The following ARID3B variants were observed in gnomAD, a reference collection of about 807,000 sequenced individuals.
The protein encoded by ARID3B is AT-rich interactive domain-containing protein 3B.
A neutral mutation model predicts 51.9 loss-of-function variants in ARID3B; 10 were observed. The observed-to-expected ratio is 0.19, with a 90% CI of 0.12 to 0.33. ARID3B has a LOEUF of 0.33. Among genes scored for constraint, ARID3B ranks in the 10% least tolerant of loss-of-function variants. The probability of loss-of-function intolerance (pLI) is 1.00; values close to 1 mark genes in which losing one functional copy is unlikely to be tolerated. For synonymous variants in ARID3B, 205 were observed against 279.5 expected, an observed-to-expected ratio of 0.73 and a Z score of 2.66; for missense variants, 483 against 716.3, an observed-to-expected ratio of 0.67 and a Z score of 3.72.
At chr15:74,556,968 G>A (rs1280444288) in intron 2 of ARID3B, among the ~76,000 whole-genome samples, 3 of 151,110 alleles carry the variant, frequency 2.0e-5, no homozygotes, top group Admixed American at 6.6e-5. Context: ...GTAGAGACAG[G>A]GTTTCACCAT....
At chr15:74,559,555 G>A (rs905239660) in intron 2 of ARID3B, among the ~76,000 whole-genome samples, 1 of 152,156 alleles carries the variant, frequency 6.6e-6, no homozygotes, top group African/African-American at 2.4e-5. Flanking sequence ...ATTTACAGAT[G>A]AGGGAAAAGG....
chr15:74,544,510 G>A, intron 2 of ARID3B, 22 bp downstream of exon 2: 1 of 1,599,174 alleles, frequency 6.3e-7, no homozygotes, highest in Non-Finnish European at 8.5e-7. Context: ...TGGTATTGTA[G>A]GTCATTTGGT....
intron 2 of ARID3B, among the ~76,000 whole-genome samples, chr15:74,567,106 C>T (rs1293121105): frequency 6.6e-6 from 1 of 152,142 alleles, no homozygotes; most frequent in Non-Finnish European, 1.5e-5. Flanking sequence ...CCACTGCCTC[C>T]CCACTGTTCA....
At chr15:74,552,679 T>A (rs1424322008) in intron 2 of ARID3B, among the ~76,000 whole-genome samples, 1 of 152,088 alleles carries the variant, frequency 6.6e-6, no homozygotes, top group Non-Finnish European at 1.5e-5. Flanking sequence ...TGTTATATGG[T>A]GGGATCATTA....
In ARID3B at chr15:74,598,117, T is replaced by C; in HGVS notation, c.*2343T>C. 2.1e-6 allele frequency: 1 copy of C among 475,172 alleles called. No individual in the cohort carries two copies. The highest frequency in any genetic ancestry group is 1.7e-5 in the South Asian group (1 of 57,870). 29.4% of individuals were successfully genotyped at this position (475,172 alleles called of 1,614,324 possible). A position where few individuals can be genotyped will look rare whatever the true frequency, so the allele number is the denominator to read the frequency against. ...GAATGTTTATATTTCAATAAACCTC[T>C]ACCTCTTCACACAAGCAGGTCTCTC... is the stretch of plus-strand genomic sequence containing the variant. On this transcript the variant is annotated 3_prime_UTR_variant, in exon 9 of 9. Transcript: ENST00000346246.
At chr15:74,561,125 A>G (rs766396686) in intron 2 of ARID3B, among the ~76,000 whole-genome samples, 1 of 152,186 alleles carries the variant, frequency 6.6e-6, no homozygotes, top group Admixed American at 6.5e-5. Context: ...TCTTTAATCA[A>G]GTAGGGGTTT....
chr15:74,577,585 A>G (rs948033325), intron 4 of ARID3B, among the ~76,000 whole-genome samples: 6 of 152,116 alleles, frequency 3.9e-5, no homozygotes, highest in African/African-American at 1.4e-4. Flanking sequence ...TAGTGGCGCA[A>G]TCATGGCTCA....
intron 2 of ARID3B, 110 bp from the exon 3 acceptor site, chr15:74,572,752 A>G: frequency 2.0e-6 from 2 of 1,016,400 alleles, no homozygotes; most frequent in Non-Finnish European, 3.1e-6. Context: ...GAGTGAGGAT[A>G]GCACAATTGC....
At position 74,543,841 on chromosome 15, in the gene ARID3B, G is replaced by A. The variant is rs1014949090; in HGVS notation, c.-77-19G>A. On this transcript the variant is annotated intron_variant, in intron 1 of 8. Transcript: ENST00000346246. ...TGTTTTTTCCCCCTCCTTCTTTGTG[G>A]TTTCTGTTAATCACTAAGGTTTAGA... is the stretch of plus-strand genomic sequence containing the variant. 3 of 1,474,548 alleles carry A rather than the reference G, an allele frequency of 2.0e-6. No homozygotes were observed. Among genetic ancestry groups the A allele is most frequent in the Admixed American group, 4.5e-5 (2 of 44,824 alleles). The allele number at this position is 1,474,548 out of a possible 1,614,324, so 91.3% of individuals were successfully genotyped here.
In ARID3B at chr15:74,550,599, C is replaced by G. The variant is rs566896650; in HGVS notation, c.552+6111C>G. Among the ~76,000 whole-genome samples the G allele has an allele frequency of 2.1e-3, 319 of 151,864 alleles. 1 individual carries two copies. Among genetic ancestry groups the G allele is most frequent in the African/African-American group, 7.4e-3 (306 of 41,462 alleles). On this transcript the variant is annotated intron_variant, in intron 2 of 8. Transcript: ENST00000346246. ...CAGGCGCCTGCGGTCCCAAGCTACT[C>G]CGGAGGCTGAGGCAGGAGAGTGGCA...
intron 2 of ARID3B, among the ~76,000 whole-genome samples, chr15:74,560,127 T>A (rs1279881279): frequency 6.7e-6 from 1 of 150,214 alleles, no homozygotes; most frequent in Non-Finnish European, 1.5e-5. Context: ...ATCACTTGAA[T>A]CTGGGAGATG....
chr15:74,560,210 A>T (rs900963413), intron 2 of ARID3B, among the ~76,000 whole-genome samples: 8 of 151,746 alleles, frequency 5.3e-5, no homozygotes, highest in Non-Finnish European at 8.8e-5. Flanking sequence ...CTCAAAAAAA[A>T]AAAAAATTTA....
intron 2 of ARID3B, among the ~76,000 whole-genome samples, chr15:74,554,942 T>G (rs1436562204): frequency 1.3e-5 from 2 of 150,666 alleles, no homozygotes; most frequent in African/African-American, 4.9e-5. Context: ...TCATTATACC[T>G]AAAAAAAAAC....
At chr15:74,559,579 T>C (rs555527038) in intron 2 of ARID3B, among the ~76,000 whole-genome samples, 3 of 152,322 alleles carry the variant, frequency 2.0e-5, no homozygotes, top group African/African-American at 7.2e-5. Context: ...AGTGGGAAGC[T>C]TGTGGTCTCA....
At chr15:74,585,037 T>G (rs543781595) in intron 4 of ARID3B, among the ~76,000 whole-genome samples, 59 of 152,336 alleles carry the variant, frequency 3.9e-4, no homozygotes, top group African/African-American at 1.4e-3. Flanking sequence ...AGGCCCTGGA[T>G]TCCTGTCAGA....
chr15:74,543,763 T>C (rs2061603087), intron 1 of ARID3B, 97 bp from the exon 2 acceptor site: 1 of 747,960 alleles, frequency 1.3e-6, no homozygotes, highest in Non-Finnish European at 2.1e-6. Flanking sequence ...CGTTCGGAAC[T>C]CATGGCCCTC....
chr15:74,545,463 C>T (rs1455729187), intron 2 of ARID3B, among the ~76,000 whole-genome samples: 1 of 152,174 alleles, frequency 6.6e-6, no homozygotes, highest in Non-Finnish European at 1.5e-5. Flanking sequence ...AATGAATTAT[C>T]TTGGAGGGTG....
intron 7 of ARID3B, 140 bp from the exon 8 acceptor site, chr15:74,592,998 C>A: frequency 1.5e-6 from 1 of 652,266 alleles, no homozygotes. Flanking sequence ...TCCTGCCATA[C>A]CCTACACTCA....
chr15:74,591,076 A>T lies in ARID3B; in HGVS notation c.882-75A>T. On this transcript the variant is annotated intron_variant, in intron 5 of 8. Transcript: ENST00000346246. This position sits in a 1 kb window ranked among gnomAD's most constrained non-coding sequence, Gnocchi z 5.8. ...CCTGCCCAACAGAGACTGCTTCCAG[A>T]GACCCACCAACCTCAACTGGGTGGT... 3.9e-6 allele frequency: 6 copies of T among 1,519,768 alleles called. No homozygotes were observed. The highest frequency in any genetic ancestry group is 5.3e-6 in the Non-Finnish European group (6 of 1,132,134). The allele number at this position is 1,519,768 out of a possible 1,614,324, so 94.1% of individuals were successfully genotyped here.
Sources: allele counts gnomAD v4.1 joint callset (sites outside exome capture counted in the v4.1 genomes callset), GRCh38; gene constraint gnomAD v4.1.1; non-coding constraint Gnocchi (gnomAD v3.1); transcripts MANE v1.5; gene names NCBI Gene and HGNC (gene_info 2026-07-23, HGNC 2026-07-21).